Variants in SORT1 observed in about 807,000 individuals in gnomAD.
SORT1 encodes the protein sortilin.
A neutral mutation model predicts 101.7 loss-of-function variants in SORT1; 39 were observed. The ratio of observed to expected loss-of-function variants is 0.38; its 90% CI spans 0.30 to 0.50. The LOEUF is 0.50. Among genes scored for constraint, SORT1 ranks in the 20% least tolerant of loss-of-function variants. The pLI, the probability that SORT1 is intolerant of heterozygous loss-of-function variation, is 0.90. For synonymous variants in SORT1, 396 were observed against 393.7 expected (o/e 1.01, Z -0.07); for missense variants, 878 against 1,040.4 (o/e 0.84, Z 2.15).
Position 109,336,164 on chromosome 1 carries a change from A to G in SORT1, c.1371+76T>C, listed in dbSNP as rs543061009. On this transcript the variant is annotated intron_variant, in intron 11 of 19. Transcript: ENST00000256637. ...GGACCCTAATCAAGTATGAAACTTCATCATCCAAAAGGCTGGCACTGATCA... is the reference window on the plus strand; with the variant it reads ...GGACCCTAATCAAGTATGAAACTTCGTCATCCAAAAGGCTGGCACTGATCA... 7 of 872,498 alleles carry G rather than the reference A, an allele frequency of 8.0e-6. No homozygotes were observed. In the South Asian group the frequency reaches 8.6e-5, roughly 11 times the overall value. 54.0% of individuals were successfully genotyped at this position (872,498 alleles called of 1,614,324 possible).
chr1:109,352,110 G>C (rs1027383254), intron 5 of SORT1, among the ~76,000 whole-genome samples: 1 of 152,224 alleles, frequency 6.6e-6, no homozygotes, highest in South Asian at 2.1e-4. Context: ...AAGGGAAGAA[G>C]ATCAGGTCTG....
At chr1:109,352,458 C>A (rs1650033241) in intron 5 of SORT1, among the ~76,000 whole-genome samples, 1 of 152,174 alleles carries the variant, frequency 6.6e-6, no homozygotes, top group Admixed American at 6.5e-5. Context: ...AGAGACTTAA[C>A]AAAATTCTGA....
At position 109,397,866 on chromosome 1, in the gene SORT1, G is replaced by A. The variant is rs1157398896; in HGVS notation, c.27C>T (p.Asp9=). Residue 9 remains aspartate, a synonymous_variant, in exon 1 of 20, where the codon GAC becomes GAT. Coordinates refer to ENST00000256637, the MANE Select transcript of SORT1 (RefSeq NM_002959.7). ...GGCCATGGGGCCAGCGCGAGAGGCC[G>A]TCCGCAGCTCCCCAGGGCCGCTCCA... MERPWGAA[D]GLSRWPHGLG... 2 of 1,273,288 alleles carry A rather than the reference G, an allele frequency of 1.6e-6. No individual in the cohort carries two copies. Among genetic ancestry groups the A allele is most frequent in the Non-Finnish European group, 1.0e-6 (1 of 999,502 alleles). 78.9% of individuals were successfully genotyped at this position (1,273,288 alleles called of 1,614,324 possible).
chr1:109,362,789 A>G (rs2101617527), intron 3 of SORT1, among the ~76,000 whole-genome samples: 1 of 152,116 alleles, frequency 6.6e-6, no homozygotes, highest in South Asian at 2.1e-4. Flanking sequence ...ACATTTTAAT[A>G]TACTTTTTCT....
chr1:109,396,430 C>T (rs1170652906), intron 1 of SORT1, among the ~76,000 whole-genome samples: 1 of 152,180 alleles, frequency 6.6e-6, no homozygotes, highest in African/African-American at 2.4e-5. Flanking sequence ...TCCCAGTACT[C>T]ATTCTACCCA....
chr1:109,375,538 T>G (rs1165363201), intron 1 of SORT1, among the ~76,000 whole-genome samples: 1 of 1,040 alleles, frequency 9.6e-4, no homozygotes, highest in Admixed American at 0.026. Flanking sequence ...TGAGACTCCG[T>G]TTCAAAAAAA....
Position 109,350,988 on chromosome 1 carries a change from C to T in SORT1, c.723G>A (p.Val241=). ...LALSTENGLW[V]SKNFGGKWEE... The stretch of plus-strand genomic sequence containing the variant: ...CCCATTTTCCCCCAAAATTCTTGGA[C>T]ACCCACAGGCCATTCTGAAAGATTA... Residue 241 remains valine, a synonymous_variant, in exon 6 of 20, where the codon GTG becomes GTA. Coordinates refer to ENST00000256637, the MANE Select transcript of SORT1 (RefSeq NM_002959.7). 1 of 1,609,724 alleles carries T rather than the reference C, an allele frequency of 6.2e-7. No individual in the cohort carries two copies. Among genetic ancestry groups the T allele is most frequent in the Non-Finnish European group, 8.5e-7 (1 of 1,175,880 alleles).
intron 3 of SORT1, among the ~76,000 whole-genome samples, chr1:109,361,055 T>A (rs1650694405): frequency 6.6e-6 from 1 of 152,206 alleles, no homozygotes; most frequent in South Asian, 2.1e-4. Flanking sequence ...ATTATTCACA[T>A]CCTATTATTG....
chr1:109,371,794 T>C (rs1651497839), intron 1 of SORT1, among the ~76,000 whole-genome samples: 1 of 152,174 alleles, frequency 6.6e-6, no homozygotes, highest in South Asian at 2.1e-4. Flanking sequence ...CTAGCAAAAC[T>C]GTGGTTTTCT....
chr1:109,359,138 G>T (rs181092998), intron 3 of SORT1, among the ~76,000 whole-genome samples: 88 of 152,234 alleles, frequency 5.8e-4, no homozygotes, highest in African/African-American at 2.0e-3. Context: ...CAAGATGAAG[G>T]TGCCAGCAGA....
At chr1:109,357,076 T>C (rs1387763118) in intron 3 of SORT1, among the ~76,000 whole-genome samples, 1 of 152,250 alleles carries the variant, frequency 6.6e-6, no homozygotes, top group Non-Finnish European at 1.5e-5. Flanking sequence ...GAAACCATAT[T>C]GTTACCATGC....
chr1:109,321,197 C>A (rs981552006), intron 15 of SORT1, among the ~76,000 whole-genome samples: 15 of 152,114 alleles, frequency 9.9e-5, no homozygotes, highest in African/African-American at 3.6e-4. Context: ...ATGATGGAAG[C>A]AAACCTATAA....
chr1:109,396,788 A>G (rs1227374510), intron 1 of SORT1, among the ~76,000 whole-genome samples: 2 of 152,234 alleles, frequency 1.3e-5, no homozygotes, highest in Admixed American at 1.3e-4. Flanking sequence ...TTAAATTGTT[A>G]ATTTTAGAGA....
In SORT1 at chr1:109,333,923, G is replaced by T. The variant is rs542096476; in HGVS notation, c.1371+2317C>A. Among the ~76,000 whole-genome samples the T allele has an allele frequency of 4.5e-4, 68 of 152,284 alleles. No individual in the cohort carries two copies. The South Asian group carries it at 0.014, about 31-fold the overall frequency. On this transcript the variant is annotated intron_variant, in intron 11 of 19. Transcript: ENST00000256637. ...GTACTTTGGGAGGCAGAGGCGGGTG[G>T]ATCACGAGGTCAGGAGTTCGAGACC...
Position 109,313,886 on chromosome 1 carries a change from A to AATTC in SORT1, c.*156_*157insGAAT. On this transcript the variant is annotated 3_prime_UTR_variant, in exon 20 of 20. Coordinates refer to ENST00000256637, the MANE Select transcript of SORT1 (RefSeq NM_002959.7). Reference sequence around the variant, plus strand: ...TCAGGGTTCCCCACCCCCACCCTGCATTTCTTTAGTGTAGGTCCTTTTGGC... The same window carrying AATTC: ...TCAGGGTTCCCCACCCCCACCCTGCAATTCTTTCTTTAGTGTAGGTCCTTTTGGC... The AATTC allele has an allele frequency of 3.1e-6, 1 of 325,592 alleles. No individual in the cohort carries two copies. The highest frequency in any genetic ancestry group is 5.5e-6 in the Non-Finnish European group (1 of 182,062). The allele number at this position is 325,592 out of a possible 1,614,324, so 20.2% of individuals were successfully genotyped here.
chr1:109,310,930 C>T lies in SORT1; in HGVS notation c.*3113G>A, dbSNP rs1341570105. 6.6e-6 allele frequency: 1 copy of T among 152,150 alleles called. No individual in the cohort carries two copies. The highest frequency in any genetic ancestry group is 2.4e-5 in the African/African-American group (1 of 41,404). 9.4% of individuals were successfully genotyped at this position (152,150 alleles called of 1,614,324 possible). ...CCAGCCTGTCAAGGATGAAAGACCA[C>T]CTTGGGCATGGAGAGGCCCAGAGGC... On this transcript the variant is annotated 3_prime_UTR_variant, in exon 20 of 20. Transcript: ENST00000256637.
Position 109,317,872 on chromosome 1 carries a change from C to G in SORT1, c.2122G>C (p.Glu708Gln), listed in dbSNP as rs187592600. ...CCTCACCCATTTGTTGTTAGGTGTT[C>G]TTCTCTTCCGTACAGACAAAACTCC... ...DLEFCLYGRE[E>Q]HLTTNGYRKI... The change falls in exon 16 of 20, where the codon GAA (glutamate) becomes CAA (glutamine). Residue 708 changes from glutamate (E) to glutamine (Q), a missense_variant. Around this residue, in one of 2 missense-constraint regions of SORT1, gnomAD observed 684 missense variants for 894.5 expected, o/e 0.76. Transcript: ENST00000256637. 3 of 1,612,232 alleles carry G rather than the reference C, an allele frequency of 1.9e-6. No individual in the cohort carries two copies. Among genetic ancestry groups the G allele is most frequent in the East Asian group, 2.2e-5 (1 of 44,878 alleles).
chr1:109,313,790 A>G lies in SORT1; in HGVS notation c.*253T>C. ...AAAAGCCCATACTTTGCAAAGAGAC[A>G]GGACGAGAAATAAGAAGTTAAAGAA... On this transcript the variant is annotated 3_prime_UTR_variant, in exon 20 of 20. Transcript: ENST00000256637. 3 of 529,990 alleles carry G rather than the reference A, an allele frequency of 5.7e-6. No individual in the cohort carries two copies. Among genetic ancestry groups the G allele is most frequent in the Non-Finnish European group, 9.9e-6 (3 of 302,270 alleles). 32.8% of individuals were successfully genotyped at this position (529,990 alleles called of 1,614,324 possible). A position where few individuals can be genotyped will look rare whatever the true frequency, so the allele number is the denominator to read the frequency against.
intron 1 of SORT1, among the ~76,000 whole-genome samples, chr1:109,379,330 C>A (rs1652078769): frequency 6.6e-6 from 1 of 151,720 alleles, no homozygotes; most frequent in Non-Finnish European, 1.5e-5. Flanking sequence ...ACAAAAAAAT[C>A]TCATAATGTT....
Sources: allele counts gnomAD v4.1 joint callset (sites outside exome capture counted in the v4.1 genomes callset), GRCh38; gene constraint gnomAD v4.1.1; regional missense constraint gnomAD v4.1.1; transcripts MANE v1.5; gene names NCBI Gene and HGNC (gene_info 2026-07-23, HGNC 2026-07-21).